The following PRDM16 variants were observed in gnomAD, a reference collection of about 807,000 sequenced individuals.
PRDM16 encodes the protein PR/SET domain 16.
A neutral mutation model predicts 110.6 loss-of-function variants in PRDM16; 23 were observed. The ratio of observed to expected loss-of-function variants is 0.21; its 90% confidence interval spans 0.15 to 0.29. The LOEUF is 0.29. Among genes scored for constraint, PRDM16 ranks in the 10% least tolerant of loss-of-function variants. PRDM16 has a pLI of 1.00. For missense variants in PRDM16, 1,615 were observed against 1,794.3 expected (o/e 0.90, Z 1.81); for synonymous variants, 799 against 781.8 (o/e 1.02, Z -0.37).
intron 3 of PRDM16, among the ~76,000 whole-genome samples, chr1:3,253,099 C>T (rs1040643842): frequency 6.6e-6 from 1 of 152,104 alleles, no homozygotes; most frequent in Non-Finnish European, 1.5e-5. Context: ...GCAGCCTCCA[C>T]GATTCTCCTG....
chr1:3,363,513 T>TC (rs1339095271), intron 3 of PRDM16, among the ~76,000 whole-genome samples: 1 of 152,174 alleles, frequency 6.6e-6, no homozygotes, highest in Non-Finnish European at 1.5e-5. Flanking sequence ...CAGGCCCAGA[T>TC]CCTGCATTCG....
intron 1 of PRDM16, among the ~76,000 whole-genome samples, chr1:3,182,954 T>C (rs574521342): frequency 6.6e-6 from 1 of 152,312 alleles, no homozygotes; most frequent in East Asian, 1.9e-4. Flanking sequence ...CTCCTTGCTT[T>C]TATAATTCCA....
At position 3,436,609 on chromosome 1, in the gene PRDM16, C is replaced by T. The variant is rs988870555; in HGVS notation, c.*2798C>T. Reference sequence around the variant, plus strand: ...ACACGGCCCCGACACTTAGTGTGGCCCCAGGCCCCAGCGAGCCTCGCCCTC... The same window carrying T: ...ACACGGCCCCGACACTTAGTGTGGCTCCAGGCCCCAGCGAGCCTCGCCCTC... On this transcript the variant is annotated 3_prime_UTR_variant, in exon 17 of 17. Coordinates refer to ENST00000270722, the MANE Select transcript of PRDM16 (RefSeq NM_022114.4). 2 of 232,370 alleles carry T rather than the reference C, an allele frequency of 8.6e-6. No individual in the cohort carries two copies. Among genetic ancestry groups the T allele is most frequent in the Non-Finnish European group, 1.7e-5 (2 of 117,470 alleles). The allele number at this position is 232,370 out of a possible 1,614,324, so 14.4% of individuals were successfully genotyped here.
At chr1:3,084,190 C>T (rs1382547135) in intron 1 of PRDM16, among the ~76,000 whole-genome samples, 2 of 152,178 alleles carry the variant, frequency 1.3e-5, no homozygotes, top group Non-Finnish European at 2.9e-5. Context: ...CCTGGGACTG[C>T]GGTCCTGGCG....
chr1:3,281,261 G>A (rs1640706311), intron 3 of PRDM16, among the ~76,000 whole-genome samples: 1 of 152,238 alleles, frequency 6.6e-6, no homozygotes, highest in Non-Finnish European at 1.5e-5. Context: ...TCGCCCAGGA[G>A]GAGGCCTGGC....
chr1:3,196,507 G>A (rs561766867), intron 2 of PRDM16, among the ~76,000 whole-genome samples: 82 of 152,358 alleles, frequency 5.4e-4, no homozygotes, highest in African/African-American at 2.0e-3. Context: ...ACTTGGCAGA[G>A]AGTGAGGCTC....
In PRDM16 at chr1:3,335,605, A is replaced by G. The variant is rs2483279; in HGVS notation, c.439-49547A>G. Among the ~76,000 whole-genome samples, 69 of 74,104 alleles carry G rather than the reference A, an allele frequency of 9.3e-4. 1 individual carries two copies. Among genetic ancestry groups the G allele is most frequent in the South Asian group, 6.9e-3 (10 of 1,444 alleles). The allele number at this position is 74,104 out of a possible 152,430, so 48.6% of individuals were successfully genotyped here. The stretch of plus-strand genomic sequence containing the variant: ...TCTAACCTTTGGCTGAGGTTAAAAC[A>G]CACACACACACACACACACACACAC... On this transcript the variant is annotated intron_variant, in intron 3 of 16. Transcript: ENST00000270722.
intron 3 of PRDM16, among the ~76,000 whole-genome samples, chr1:3,293,477 G>A (rs986529866): frequency 6.6e-6 from 1 of 152,246 alleles, no homozygotes; most frequent in African/African-American, 2.4e-5. Context: ...TAATAGGAAG[G>A]CGCGATGGCC....
At chr1:3,083,553 C>T (rs1480519237) in intron 1 of PRDM16, among the ~76,000 whole-genome samples, 1 of 133,230 alleles carries the variant, frequency 7.5e-6, no homozygotes, top group African/African-American at 2.7e-5. Context: ...CAGCCTGCTG[C>T]GGAGGGATGC....
At chr1:3,211,868 G>A (rs907153079) in intron 2 of PRDM16, among the ~76,000 whole-genome samples, 2 of 152,256 alleles carry the variant, frequency 1.3e-5, no homozygotes, top group African/African-American at 2.4e-5. Flanking sequence ...GGCCCGGCGT[G>A]AGTGTGTGGG....
chr1:3,275,906 A>G (rs947467021), intron 3 of PRDM16, among the ~76,000 whole-genome samples: 1 of 152,190 alleles, frequency 6.6e-6, no homozygotes, highest in East Asian at 1.9e-4. Flanking sequence ...AGCCATTCAC[A>G]TTGCGGCCAA....
At position 3,178,667 on chromosome 1, in the gene PRDM16, C is replaced by T. The variant is rs539601920; in HGVS notation, c.38-7458C>T. 2.0e-5 allele frequency among the ~76,000 whole-genome samples: 3 copies of T among 152,318 alleles called. No homozygotes were observed. The South Asian group carries it at 6.2e-4, about 32-fold the overall frequency. On this transcript the variant is annotated intron_variant, in intron 1 of 16. Transcript: ENST00000270722. ...AACCCTGTTTCCCCCAGGATGCACC[C>T]TTGTCACTCAGCACTTCCCCATCTG...
At chr1:3,092,270 C>T (rs1642295967) in intron 1 of PRDM16, among the ~76,000 whole-genome samples, 1 of 152,168 alleles carries the variant, frequency 6.6e-6, no homozygotes, top group Non-Finnish European at 1.5e-5. Context: ...AGGGAGGTGC[C>T]AGGCACGAGG....
chr1:3,374,388 TAC>T (rs924492570), intron 3 of PRDM16, among the ~76,000 whole-genome samples: 1 of 152,298 alleles, frequency 6.6e-6, no homozygotes, highest in Admixed American at 6.5e-5. Flanking sequence ...GTTACAGAAA[TAC>T]AGTTTATACA....
At chr1:3,388,887 C>T (rs190969311) in intron 4 of PRDM16, among the ~76,000 whole-genome samples, 19 of 152,286 alleles carry the variant, frequency 1.2e-4, no homozygotes, top group Non-Finnish European at 1.9e-4. Context: ...GGTCTGGGGG[C>T]AGACGCCACC....
At chr1:3,176,902 A>G (rs1644097624) in intron 1 of PRDM16, among the ~76,000 whole-genome samples, 2 of 151,864 alleles carry the variant, frequency 1.3e-5, no homozygotes, top group South Asian at 4.2e-4. Context: ...CTAACCATCC[A>G]TCCACCCATC....
In PRDM16 at chr1:3,350,144, A is replaced by C. The variant is rs1347063449; in HGVS notation, c.439-35008A>C. On this transcript the variant is annotated intron_variant, in intron 3 of 16. Transcript: ENST00000270722. This position sits in a 1 kb window ranked among gnomAD's most constrained non-coding sequence, Gnocchi z 7.1. ...AGTTTGAGGCCAGCCTGGACAACAT[A>C]GCAAGACCCTATCTCTACAAAAAAT... is the stretch of plus-strand genomic sequence containing the variant. 6.6e-6 allele frequency among the ~76,000 whole-genome samples: 1 copy of C among 152,184 alleles called. No individual in the cohort carries two copies. The highest frequency in any genetic ancestry group is 1.5e-5 in the Non-Finnish European group (1 of 68,024).
intron 3 of PRDM16, among the ~76,000 whole-genome samples, chr1:3,301,980 T>C (rs112545027): frequency 2.0e-5 from 3 of 152,352 alleles, no homozygotes; most frequent in Admixed American, 6.5e-5. Context: ...GCCTTTTGGC[T>C]ACATGAGAGT....
chr1:3,111,755 C>T (rs1214415843), intron 1 of PRDM16, among the ~76,000 whole-genome samples: 3 of 152,058 alleles, frequency 2.0e-5, no homozygotes, highest in Non-Finnish European at 2.9e-5. Flanking sequence ...TTTTTTTCTT[C>T]GCGGCTGAAA....
Sources: gnomAD v4.1 joint callset for allele counts (sites outside exome capture counted in the v4.1 genomes callset) on GRCh38, gnomAD v4.1.1 for gene constraint, Gnocchi (gnomAD v3.1) non-coding constraint, MANE v1.5 for transcripts, NCBI Gene and HGNC (gene_info 2026-07-23, HGNC 2026-07-21) for gene names.